NLE1: variants seen among roughly 807,000 people sequenced by gnomAD.
NLE1 encodes notchless homolog 1, also known as notchless protein homolog 1.
NLE1 carries 37 observed loss-of-function variants against 62.8 expected under a neutral mutation model. The observed-to-expected ratio is 0.59, with a 90% CI of 0.45 to 0.78. The LOEUF is 0.78. Ranked by LOEUF, NLE1 falls within the 30% of genes least tolerant of loss-of-function variation. The pLI is 0.00. For synonymous variants in NLE1, 243 were observed against 253.0 expected (o/e 0.96, Z 0.37); for missense variants, 555 against 637.9 (o/e 0.87, Z 1.40).
chr17:35,135,236 C>T lies in NLE1; in HGVS notation c.1214+13G>A, dbSNP rs775432298. 3.7e-6 allele frequency: 6 copies of T among 1,613,474 alleles called. No homozygotes were observed. The highest frequency in any genetic ancestry group is 5.1e-6 in the Non-Finnish European group (6 of 1,179,426). ...TCACTCCTTACAGAGAAGCAGTACC[C>T]ACCCCTACTCACTTGCCCGTCCTGC... On this transcript the variant is annotated intron_variant, in intron 10 of 12. Transcript: ENST00000442241.
In NLE1 at chr17:35,133,224, CCA is replaced by C; in HGVS notation, c.1390_1391del (p.Trp464GlufsTer62). 6.2e-7 allele frequency: 1 copy of C among 1,614,202 alleles called. No individual in the cohort carries two copies. Among genetic ancestry groups the C allele is most frequent in the South Asian group, 1.1e-5 (1 of 91,086 alleles). On this transcript the variant is annotated frameshift_variant, in exon 12 of 13. Transcript: ENST00000442241. LOFTEE classifies it high-confidence loss of function. The stretch of plus-strand genomic sequence containing the variant: ...TTGCCACTCTCTGGCCATCTGGACT[CCA>C]GTCAACAGCATATACCTAAAGGGAG... ...GHADEVYAVD[W>X]SPDGQRVASG...
rs200863383 is a variant in NLE1, at chr17:35,137,910, A to G, written c.461-20T>C. ...TGTGTCCTAAGAAAGCAGAGGAGGG[A>G]GAAATAAGGGACTACATCTGTCTTT... On this transcript the variant is annotated intron_variant, in intron 4 of 12. Coordinates refer to ENST00000442241, the MANE Select transcript of NLE1 (RefSeq NM_018096.5). 6.3e-7 allele frequency: 1 copy of G among 1,591,400 alleles called. No individual in the cohort carries two copies. Among genetic ancestry groups the G allele is most frequent in the Non-Finnish European group, 8.6e-7 (1 of 1,160,822 alleles).
chr17:35,141,552 C>CAAAA lies in NLE1; in HGVS notation c.162+423_162+426dup, dbSNP rs549704502. Among the ~76,000 whole-genome samples, 94 of 83,534 alleles carry CAAAA rather than the reference C, an allele frequency of 1.1e-3. 2 individuals carry two copies. The highest frequency in any genetic ancestry group is 3.0e-3 in the African/African-American group (69 of 23,242). 54.8% of individuals were successfully genotyped at this position (83,534 alleles called of 152,430 possible). ...CTGGCGACAAAGTGAGACTCCGTCT[C>CAAAA]AAAAAAAAAAAAAAAAAAGGTAAAT... On this transcript the variant is annotated intron_variant, in intron 2 of 12. Coordinates refer to ENST00000442241, the MANE Select transcript of NLE1 (RefSeq NM_018096.5).
chr17:35,136,071 T>C, intron 9 of NLE1, 98 bp downstream of exon 9: 1 of 1,240,722 alleles, frequency 8.1e-7, no homozygotes, highest in Admixed American at 2.1e-5. Flanking sequence ...AGGTACATTC[T>C]GAGCTGGGTC....
chr17:35,129,299 C>A lies in NLE1; in HGVS notation c.*3138G>T, dbSNP rs757009568. 3.9e-5 allele frequency: 51 copies of A among 1,303,752 alleles called. No individual in the cohort carries two copies. Among genetic ancestry groups the A allele is most frequent in the Non-Finnish European group, 5.2e-5 (49 of 940,174 alleles). 80.8% of individuals were successfully genotyped at this position (1,303,752 alleles called of 1,614,324 possible). On this transcript the variant is annotated 3_prime_UTR_variant, in exon 13 of 13. Transcript: ENST00000442241. Reference sequence around the variant, plus strand: ...GCAGTACCTTGCACCTTCCATCTGACCTGCCTGGGCCCCAGCAGGAGCAGG... The same window carrying A: ...GCAGTACCTTGCACCTTCCATCTGAACTGCCTGGGCCCCAGCAGGAGCAGG...
chr17:35,135,271 G>A lies in NLE1; in HGVS notation c.1192C>T (p.Leu398=). ...ASASFDKSIK[L]WDGRTGKYLA... is the part of the protein sequence containing the mutation. The stretch of plus-strand genomic sequence containing the variant: ...CACTTGCCCGTCCTGCCATCCCACA[G>A]CTTGATGGACTTGTCAAAGGAGGCA... The change falls in exon 10 of 13, where the codon CTG becomes TTG. Residue 398 remains leucine, a synonymous_variant. Transcript: ENST00000442241. 1 of 1,614,172 alleles carries A rather than the reference G, an allele frequency of 6.2e-7. No homozygotes were observed. Among genetic ancestry groups the A allele is most frequent in the Non-Finnish European group, 8.5e-7 (1 of 1,180,030 alleles).
At position 35,131,435 on chromosome 17, in the gene NLE1, A is replaced by G. The variant is rs1300991921; in HGVS notation, c.*1002T>C. On this transcript the variant is annotated 3_prime_UTR_variant, in exon 13 of 13. Transcript: ENST00000442241. ...GACCCTGCTTAGCATGGGATGCAGG[A>G]GAAAGCAGAGGCAGGGTACATTCAG... 2 of 152,284 alleles carry G rather than the reference A, an allele frequency of 1.3e-5. No homozygotes were observed. Among genetic ancestry groups the G allele is most frequent in the Admixed American group, 6.5e-5 (1 of 15,282 alleles). 9.4% of individuals were successfully genotyped at this position (152,284 alleles called of 1,614,324 possible). A position where few individuals can be genotyped will look rare whatever the true frequency, so the allele number is the denominator to read the frequency against.
At chr17:35,137,495 G>C in intron 6 of NLE1, 48 bp downstream of exon 6, 1 of 1,455,844 alleles carries the variant, frequency 6.9e-7, no homozygotes, top group Non-Finnish European at 9.5e-7. Context: ...AAAGGGGATG[G>C]CTTTGATCCC....
chr17:35,139,807 C>T (rs758438974), intron 3 of NLE1, 42 bp downstream of exon 3: 4 of 1,597,016 alleles, frequency 2.5e-6, no homozygotes, highest in Admixed American at 3.3e-5. Context: ...GCAAAGACTG[C>T]ACCCCCACAT....
rs1567742227 is a variant in NLE1 at position 35,130,395 on chromosome 17, G to T, written c.*2042C>A. 1 of 1,614,112 alleles carries T rather than the reference G, an allele frequency of 6.2e-7. No individual in the cohort carries two copies. The highest frequency in any genetic ancestry group is 8.5e-7 in the Non-Finnish European group (1 of 1,180,006). On this transcript the variant is annotated 3_prime_UTR_variant, in exon 13 of 13. Transcript: ENST00000442241. ...TCGTGTCCATCGGGCCGGAGGAGAT[G>T]CGGAGGCTGGAGGATCTGGAATACC...
At chr17:35,140,621 C>T (rs1266787983) in intron 2 of NLE1, among the ~76,000 whole-genome samples, 6 of 151,386 alleles carry the variant, frequency 4.0e-5, no homozygotes, top group Non-Finnish European at 7.4e-5. Context: ...GATGGAGTCT[C>T]GTTCTGTTAC....
Position 35,139,191 on chromosome 17 carries a change from TC to T in NLE1, c.460+43del, listed in dbSNP as rs761280286. On this transcript the variant is annotated intron_variant, in intron 4 of 12. Transcript: ENST00000442241. ...CTGGTCAACAGAGCAAGACCTTGTC[TC>T]AAAAAAAAAGAAGACCCCCTAAATG... 4.6e-6 allele frequency: 7 copies of T among 1,535,470 alleles called. No homozygotes were observed. In the South Asian group the frequency reaches 7.8e-5, roughly 17 times the overall value.
chr17:35,137,419 G>A (rs373263269), intron 6 of NLE1, 124 bp downstream of exon 6: 1 of 878,884 alleles, frequency 1.1e-6, no homozygotes. Context: ...TGCCTGCCAA[G>A]CCATCACGGT....
At chr17:35,138,022 G>A (rs1225274138) in intron 4 of NLE1, 132 bp from the exon 5 acceptor site, 6 of 646,778 alleles carry the variant, frequency 9.3e-6, no homozygotes, top group Non-Finnish European at 1.6e-5. Context: ...GGAGCGATGA[G>A]GCTTTCTGGG....
At chr17:35,132,575 CCG>C in intron 12 of NLE1, 126 bp from the exon 13 acceptor site, 1 of 838,072 alleles carries the variant, frequency 1.2e-6, no homozygotes, top group Non-Finnish European at 1.7e-6. Context: ...AGCCAGGTGA[CCG>C]TCCCTGCTCT....
chr17:35,135,334 G>C lies in NLE1; in HGVS notation c.1129C>G (p.Gln377Glu), dbSNP rs1403023678. Reference sequence around the variant, plus strand: ...CGGGAGTCAGGAGAGAAGAGCACCTGGTTGATGAGAGCTTGGTGTCCTGTC... The same window carrying C: ...CGGGAGTCAGGAGAGAAGAGCACCTCGTTGATGAGAGCTTGGTGTCCTGTC... The part of the protein sequence containing the change: ...RMTGHQALIN[Q>E]VLFSPDSRIV... The change falls in exon 10 of 13, where the codon CAG (glutamine) becomes GAG (glutamate). Residue 377 changes from glutamine (Q) to glutamate (E), a missense_variant. Physicochemically the swap from Gln to Glu is conservative, Grantham distance 29. Coordinates refer to ENST00000442241, the MANE Select transcript of NLE1 (RefSeq NM_018096.5). The C allele has an allele frequency of 6.2e-7, 1 of 1,614,186 alleles. No homozygotes were observed. The highest frequency in any genetic ancestry group is 1.1e-5 in the South Asian group (1 of 91,088).
At chr17:35,132,745 G>A (rs2142499439) in intron 12 of NLE1, among the ~76,000 whole-genome samples, 1 of 152,208 alleles carries the variant, frequency 6.6e-6, no homozygotes, top group East Asian at 1.9e-4. Context: ...TTTTGATCCT[G>A]TCTGTGAAGG....
At chr17:35,132,571 G>A (rs1011207635) in intron 12 of NLE1, 122 bp from the exon 13 acceptor site, 23 of 890,032 alleles carry the variant, frequency 2.6e-5, no homozygotes, top group Non-Finnish European at 1.5e-6. Flanking sequence ...CAAGAGCCAG[G>A]TGACCGTCCC....
Position 35,133,320 on chromosome 17 carries a change from G to A in NLE1, c.1374+19C>T, listed in dbSNP as rs570801349. On this transcript the variant is annotated intron_variant, in intron 11 of 12. Transcript: ENST00000442241. ...AGGCTCCAATCCCAGTCCCTCCTTT[G>A]CCTGAGGGTTGGCCCTACCTCATCC... The A allele has an allele frequency of 1.9e-6, 3 of 1,614,170 alleles. No homozygotes were observed. The South Asian group carries it at 3.3e-5, about 18-fold the overall frequency.
Sources: gnomAD v4.1 joint callset for allele counts (sites outside exome capture counted in the v4.1 genomes callset) on GRCh38, gnomAD v4.1.1 for gene constraint, MANE v1.5 for transcripts, NCBI Gene and HGNC (gene_info 2026-07-23, HGNC 2026-07-21) for gene names.